Variants in RP1 observed in about 807,000 individuals in gnomAD.
The protein encoded by RP1 is oxygen-regulated protein 1.
A neutral mutation model predicts 14.8 loss-of-function variants in RP1; 16 were observed. The ratio of observed to expected loss-of-function variants is 1.08; its 90% confidence interval spans 0.73 to 1.65. The LOEUF is 1.65. RP1 is among the 40% of genes most tolerant of loss of function. The pLI is 0.00. For synonymous variants in RP1, 876 were observed against 883.6 expected, an observed-to-expected ratio of 0.99 and a Z score of 0.15; for missense variants, 2,631 against 2,535.0, an observed-to-expected ratio of 1.04 and a Z score of -0.81.
At chr8:54,722,344 C>T (rs1275508914) in intron 16 of RP1, among the ~76,000 whole-genome samples, 1 of 151,076 alleles carries the variant, frequency 6.6e-6, no homozygotes, top group African/African-American at 2.4e-5. Context: ...TATCTCGGCT[C>T]ACTGCAAGCT....
intron 23 of RP1, among the ~76,000 whole-genome samples, chr8:54,778,136 T>C (rs988657334): frequency 1.3e-5 from 2 of 152,116 alleles, no homozygotes; most frequent in African/African-American, 4.8e-5. Flanking sequence ...GCACTGAGAA[T>C]ACAGAGACAT....
At chr8:54,836,102 C>T (rs1811649949) in intron 24 of RP1, among the ~76,000 whole-genome samples, 1 of 152,014 alleles carries the variant, frequency 6.6e-6, no homozygotes, top group Non-Finnish European at 1.5e-5. Context: ...AATATGACAA[C>T]CCAAGGTTAT....
At chr8:54,806,067 G>A (rs1257691235) in intron 24 of RP1, among the ~76,000 whole-genome samples, 1 of 152,012 alleles carries the variant, frequency 6.6e-6, no homozygotes, top group East Asian at 1.9e-4. Context: ...CACCCAGGCT[G>A]GAGTGCAGTG....
intron 24 of RP1, among the ~76,000 whole-genome samples, chr8:54,794,412 C>A (rs1810534850): frequency 9.1e-6 from 1 of 109,506 alleles, no homozygotes; most frequent in African/African-American, 2.8e-5. Context: ...GAAATAAACG[C>A]ATGCATATAC....
chr8:54,781,800 T>A (rs558766851), intron 23 of RP1, among the ~76,000 whole-genome samples: 1 of 152,258 alleles, frequency 6.6e-6, no homozygotes, highest in Non-Finnish European at 1.5e-5. Flanking sequence ...TGAATAAAAA[T>A]AACTGCAGAT....
chr8:54,692,741 C>G (rs565834058), intron 12 of RP1, among the ~76,000 whole-genome samples: 8 of 149,002 alleles, frequency 5.4e-5, no homozygotes, highest in Non-Finnish European at 1.2e-4. Context: ...GAGTAGGTTG[C>G]GAAAATTTTC....
chr8:54,580,074 G>A (rs574867662), intron 1 of RP1, among the ~76,000 whole-genome samples: 1 of 152,240 alleles, frequency 6.6e-6, no homozygotes, highest in South Asian at 2.1e-4. Context: ...TTAGACAGAT[G>A]ACCTAAATAG....
chr8:54,827,521 G>A (rs1034021515), intron 24 of RP1, among the ~76,000 whole-genome samples: 2 of 151,846 alleles, frequency 1.3e-5, no homozygotes, highest in African/African-American at 2.4e-5. Context: ...CTAGAGATGG[G>A]GTTTAACCAT....
intron 27 of RP1, among the ~76,000 whole-genome samples, chr8:54,859,717 G>C (rs1812298373): frequency 1.3e-5 from 2 of 152,108 alleles, no homozygotes; most frequent in African/African-American, 2.4e-5. Flanking sequence ...TTGCTGCAGA[G>C]TGGTGTCACT....
intron 1 of RP1, among the ~76,000 whole-genome samples, chr8:54,563,453 T>G (rs1333394966): frequency 6.6e-6 from 1 of 152,222 alleles, no homozygotes; most frequent in Non-Finnish European, 1.5e-5. Context: ...ATATCTCCCT[T>G]GCAGAGGTGC....
chr8:54,854,278 C>T (rs1812136105), intron 26 of RP1, among the ~76,000 whole-genome samples: 1 of 152,144 alleles, frequency 6.6e-6, no homozygotes, highest in African/African-American at 2.4e-5. Flanking sequence ...GTAATTAAGA[C>T]AGCATCAATT....
chr8:54,832,064 G>A (rs544330808), intron 24 of RP1, among the ~76,000 whole-genome samples: 17 of 151,464 alleles, frequency 1.1e-4, no homozygotes, highest in Non-Finnish European at 1.9e-4. Flanking sequence ...ATTTTTCTTT[G>A]GCTGCTTTTA....
chr8:54,609,659 C>T (rs1457066236), intron 1 of RP1, among the ~76,000 whole-genome samples: 5 of 152,100 alleles, frequency 3.3e-5, no homozygotes, highest in African/African-American at 9.7e-5. Flanking sequence ...AGATTAATAA[C>T]ACCTCCTCCC....
At chr8:54,714,624 C>G in intron 15 of RP1, among the ~76,000 whole-genome samples, 1 of 152,200 alleles carries the variant, frequency 6.6e-6, no homozygotes, top group Non-Finnish European at 1.5e-5. Context: ...GCCTGCCAAA[C>G]TGTCTTTAAA....
intron 24 of RP1, among the ~76,000 whole-genome samples, chr8:54,805,717 G>GT (rs34454448): frequency 0.08 from 11,580 of 144,236 alleles, 516 homozygotes; most frequent in Non-Finnish European, 0.11. Context: ...CATTTCTCTA[G>GT]TTTTTTTTTT....
At chr8:54,800,215 T>A (rs1183958396) in intron 24 of RP1, among the ~76,000 whole-genome samples, 1 of 152,124 alleles carries the variant, frequency 6.6e-6, no homozygotes, top group East Asian at 1.9e-4. Context: ...GTAGTTCTTA[T>A]CCTTCCCTCT....
chr8:54,719,445 G>T (rs1161005744), intron 15 of RP1, among the ~76,000 whole-genome samples: 1 of 152,178 alleles, frequency 6.6e-6, no homozygotes, highest in African/African-American at 2.4e-5. Context: ...AATACTAGTT[G>T]CTATTGGAAA....
chr8:54,783,902 T>A (rs1810252162), intron 24 of RP1, among the ~76,000 whole-genome samples: 1 of 152,180 alleles, frequency 6.6e-6, no homozygotes, highest in Non-Finnish European at 1.5e-5. Flanking sequence ...GGATTTTTGT[T>A]TCTTCTTCAT....
At position 54,849,293 on chromosome 8, in the gene RP1, AC is replaced by A. The variant is rs532463320; in HGVS notation, c.3836-3279del. Among the ~76,000 whole-genome samples the A allele has an allele frequency of 2.6e-3, 397 of 152,306 alleles. 1 individual carries two copies. Among genetic ancestry groups the A allele is most frequent in the African/African-American group, 9.1e-3 (380 of 41,574 alleles). On this transcript the variant is annotated intron_variant, in intron 25 of 28. Transcript: ENST00000637698. The stretch of plus-strand genomic sequence containing the variant: ...TTGTTTTTTACTGGTTCAACAACCA[AC>A]CAGGAGACTAAGCAGCTGAGTTCAT...
Sources: gnomAD v4.1 joint callset for allele counts (sites outside exome capture counted in the v4.1 genomes callset) on GRCh38, gnomAD v4.1.1 for gene constraint, MANE v1.5 for transcripts, NCBI Gene and HGNC (gene_info 2026-07-23, HGNC 2026-07-21) for gene names.